Variants in HS6ST3 observed in about 807,000 individuals in gnomAD.
The protein encoded by HS6ST3 is heparan sulfate 6-O-sulfotransferase 3.
In HS6ST3, 12 loss-of-function variants were observed where a neutral mutation model predicts 36.7. That is an observed-to-expected ratio of 0.33 (90% confidence interval 0.21 to 0.53). The LOEUF is 0.53. Ranked by LOEUF, HS6ST3 falls within the 20% of genes least tolerant of loss-of-function variation. The pLI, the probability that HS6ST3 is intolerant of heterozygous loss-of-function variation, is 0.95. For synonymous variants in HS6ST3, 240 were observed against 257.5 expected, an observed-to-expected ratio of 0.93 and a Z score of 0.65; for missense variants, 584 against 640.9, an observed-to-expected ratio of 0.91 and a Z score of 0.96.
chr13:96,678,242 G>A (rs1324351788), intron 1 of HS6ST3, among the ~76,000 whole-genome samples: 3 of 152,144 alleles, frequency 2.0e-5, no homozygotes, highest in Admixed American at 1.3e-4. Flanking sequence ...TCATGAACAT[G>A]GAGCCTTCAT....
intron 1 of HS6ST3, among the ~76,000 whole-genome samples, chr13:96,315,721 CTGTA>C (rs1181807910): frequency 1.3e-5 from 2 of 152,014 alleles, no homozygotes; most frequent in Admixed American, 6.6e-5. Flanking sequence ...AATCATATGG[CTGTA>C]TGTATTTTCA....
At chr13:96,566,445 G>A (rs1041268387) in intron 1 of HS6ST3, among the ~76,000 whole-genome samples, 5 of 152,030 alleles carry the variant, frequency 3.3e-5, no homozygotes, top group African/African-American at 4.8e-5. Context: ...AAGCAAAAGA[G>A]TAAACATAAG....
intron 1 of HS6ST3, among the ~76,000 whole-genome samples, chr13:96,371,490 T>A (rs908716145): frequency 1.3e-5 from 2 of 152,186 alleles, no homozygotes; most frequent in Non-Finnish European, 2.9e-5. Context: ...CTACTTAAGA[T>A]CTCTCTTAGC....
intron 1 of HS6ST3, among the ~76,000 whole-genome samples, chr13:96,418,261 G>A (rs564496294): frequency 1.4e-4 from 21 of 152,272 alleles, no homozygotes; most frequent in East Asian, 7.7e-4. Context: ...TTCCACCTCC[G>A]TTGGGAATAG....
intron 1 of HS6ST3, among the ~76,000 whole-genome samples, chr13:96,811,049 A>G (rs1360763646): frequency 6.6e-6 from 1 of 151,922 alleles, no homozygotes; most frequent in African/African-American, 2.4e-5. Flanking sequence ...GACAAGTGAT[A>G]AGGAAACAAT....
chr13:96,504,580 G>GAGAGGA, intron 1 of HS6ST3, among the ~76,000 whole-genome samples: 1 of 152,126 alleles, frequency 6.6e-6, no homozygotes, highest in African/African-American at 2.4e-5. Context: ...AAGTAAAAGA[G>GAGAGGA]AGAGGAAGAG....
intron 1 of HS6ST3, among the ~76,000 whole-genome samples, chr13:96,215,984 G>A (rs949166176): frequency 6.6e-6 from 1 of 152,180 alleles, no homozygotes; most frequent in East Asian, 1.9e-4. Flanking sequence ...GCATAGTAGT[G>A]AAGAGCATGC....
At chr13:96,221,650 G>A (rs1415093729) in intron 1 of HS6ST3, among the ~76,000 whole-genome samples, 1 of 152,052 alleles carries the variant, frequency 6.6e-6, no homozygotes, top group Non-Finnish European at 1.5e-5. Context: ...AGGAGTGATG[G>A]GGTAAACTGG....
chr13:96,452,862 T>G (rs552580546), intron 1 of HS6ST3, among the ~76,000 whole-genome samples: 2 of 152,316 alleles, frequency 1.3e-5, no homozygotes, highest in Admixed American at 6.5e-5. Flanking sequence ...TCTACCCTAC[T>G]ACCTGGGAGG....
intron 1 of HS6ST3, among the ~76,000 whole-genome samples, chr13:96,825,696 A>G (rs1878632482): frequency 6.6e-6 from 1 of 152,250 alleles, no homozygotes; most frequent in Non-Finnish European, 1.5e-5. Flanking sequence ...AATCACATTC[A>G]GAGCCTACGG....
chr13:96,458,159 T>A (rs1014082203), intron 1 of HS6ST3, among the ~76,000 whole-genome samples: 3 of 152,232 alleles, frequency 2.0e-5, no homozygotes, highest in Admixed American at 1.3e-4. Context: ...ACTGTGGTCT[T>A]ACCTTCATTC....
chr13:96,622,441 CTAATT>C (rs1349550411), intron 1 of HS6ST3, among the ~76,000 whole-genome samples: 1 of 152,072 alleles, frequency 6.6e-6, no homozygotes, highest in Non-Finnish European at 1.5e-5. Flanking sequence ...CTCAGTCTGA[CTAATT>C]TTTACTTTTT....
At chr13:96,179,376 C>T (rs1256914578) in intron 1 of HS6ST3, among the ~76,000 whole-genome samples, 5 of 152,208 alleles carry the variant, frequency 3.3e-5, no homozygotes, top group Non-Finnish European at 7.3e-5. Flanking sequence ...TAGCTGCAAA[C>T]CAGCATTATC....
intron 1 of HS6ST3, among the ~76,000 whole-genome samples, chr13:96,713,635 T>C (rs988555472): frequency 6.6e-6 from 1 of 152,170 alleles, no homozygotes; most frequent in African/African-American, 2.4e-5. Flanking sequence ...TGTGACTATT[T>C]GTAAAAGTAA....
intron 1 of HS6ST3, among the ~76,000 whole-genome samples, chr13:96,096,392 G>A (rs1167647373): frequency 6.6e-6 from 1 of 152,180 alleles, no homozygotes; most frequent in Non-Finnish European, 1.5e-5. Context: ...AACTACTGAT[G>A]TTGTAAAAGG....
At chr13:96,187,900 G>T (rs1052471900) in intron 1 of HS6ST3, among the ~76,000 whole-genome samples, 6 of 152,184 alleles carry the variant, frequency 3.9e-5, no homozygotes, top group African/African-American at 1.2e-4. Flanking sequence ...GCCTTTAAAT[G>T]AATCTCCTTA....
intron 1 of HS6ST3, among the ~76,000 whole-genome samples, chr13:96,405,356 A>G (rs1280106923): frequency 2.0e-5 from 3 of 152,312 alleles, no homozygotes; most frequent in South Asian, 4.1e-4. Context: ...ATTTTGTGGC[A>G]GGTTGAACAA....
At chr13:96,428,126 T>C (rs189924724) in intron 1 of HS6ST3, among the ~76,000 whole-genome samples, 1 of 152,268 alleles carries the variant, frequency 6.6e-6, no homozygotes, top group East Asian at 1.9e-4. Context: ...GGTGGGCAGA[T>C]CACCAGTTCA....
intron 1 of HS6ST3, among the ~76,000 whole-genome samples, chr13:96,524,603 C>A (rs1266225124): frequency 2.6e-5 from 4 of 152,354 alleles, no homozygotes; most frequent in Non-Finnish European, 5.9e-5. Context: ...CCCCTTCCCC[C>A]ACCAAGCTCC....
Sources: allele counts gnomAD v4.1 joint callset (sites outside exome capture counted in the v4.1 genomes callset), GRCh38; gene constraint gnomAD v4.1.1; transcripts MANE v1.5; gene names NCBI Gene and HGNC (gene_info 2026-07-23, HGNC 2026-07-21).